Variants in RBM33 observed in about 807,000 individuals in gnomAD.
The protein encoded by RBM33 is RNA binding motif protein 33, also known as RNA-binding protein 33.
A neutral mutation model predicts 132.6 loss-of-function variants in RBM33; 28 were observed. The observed-to-expected ratio is 0.21, with a 90% confidence interval of 0.16 to 0.29. The LOEUF (loss-of-function observed/expected upper bound fraction) is 0.29. Ranked by LOEUF, RBM33 falls within the 10% of genes least tolerant of loss-of-function variation. RBM33 has a pLI of 1.00. For synonymous variants in RBM33, 634 were observed against 593.0 expected (o/e 1.07, Z -1.01); for missense variants, 1,291 against 1,518.5 (o/e 0.85, Z 2.49).
rs774009551 is a variant in RBM33, at chr7:155,741,838, T to C, written c.2069T>C (p.Val690Ala). ...GAAAAGAATACAACTTCTCAGAATGTAAGCAAGCGGCCCATGCAGCAAATG... is the reference window on the plus strand; with the variant it reads ...GAAAAGAATACAACTTCTCAGAATGCAAGCAAGCGGCCCATGCAGCAAATG... ...GLRHNTTSQN[V>A]SKRPMQQMQP... is the part of the protein sequence containing the mutation. Residue 690 changes from valine to alanine, a missense_variant, in exon 13 of 18, where the codon GTA becomes GCA. By Grantham distance (64) the Val-to-Ala change is moderately conservative. Coordinates refer to ENST00000401878, the MANE Select transcript of RBM33 (RefSeq NM_053043.3). 1.9e-6 allele frequency: 3 copies of C among 1,611,804 alleles called. No homozygotes were observed. The highest frequency in any genetic ancestry group is 2.5e-6 in the Non-Finnish European group (3 of 1,177,962).
intron 4 of RBM33, among the ~76,000 whole-genome samples, chr7:155,679,716 T>C (rs181815095): frequency 2.9e-4 from 44 of 152,370 alleles, no homozygotes; most frequent in African/African-American, 9.4e-4. Context: ...TTCCATTCTT[T>C]GACATCACTG....
intron 1 of RBM33, among the ~76,000 whole-genome samples, chr7:155,654,317 C>A (rs1798435057): frequency 6.6e-6 from 1 of 152,126 alleles, no homozygotes; most frequent in Non-Finnish European, 1.5e-5. Context: ...GTGATGCTAA[C>A]CACATTTTTT....
chr7:155,683,348 T>C (rs1799387851), intron 5 of RBM33, among the ~76,000 whole-genome samples: 1 of 152,230 alleles, frequency 6.6e-6, no homozygotes. Context: ...AATGAACACA[T>C]GAGCAGATTG....
intron 3 of RBM33, among the ~76,000 whole-genome samples, chr7:155,673,940 G>GTTGTTGTTTTTTTTTTGTTTTGT: frequency 1.8e-5 from 1 of 54,214 alleles, no homozygotes; most frequent in African/African-American, 8.3e-5. Flanking sequence ...TTTAGGCTTA[G>GTTGTTGTTTTTTTTTTGTTTTGT]TTTTTTTTTT....
chr7:155,727,781 T>G (rs1415336680), intron 9 of RBM33, among the ~76,000 whole-genome samples: 3 of 152,232 alleles, frequency 2.0e-5, no homozygotes, highest in African/African-American at 7.2e-5. Context: ...CCCGCTTTTT[T>G]TCTGAGACAG....
At chr7:155,663,313 G>A (rs1490027685) in intron 1 of RBM33, among the ~76,000 whole-genome samples, 1 of 151,884 alleles carries the variant, frequency 6.6e-6, no homozygotes, top group Non-Finnish European at 1.5e-5. Context: ...AAGAAGAGAG[G>A]CTTAATTGGC....
Position 155,678,594 on chromosome 7 carries a change from C to T in RBM33, c.172-14C>T, listed in dbSNP as rs1799249840. 1 of 1,466,072 alleles carries T rather than the reference C, an allele frequency of 6.8e-7. No homozygotes were observed. Among genetic ancestry groups the T allele is most frequent in the Non-Finnish European group, 9.3e-7 (1 of 1,070,414 alleles). The allele number at this position is 1,466,072 out of a possible 1,614,324, so 90.8% of individuals were successfully genotyped here. ...GAAGTGACACACATTAATTATATTT[C>T]TTATTTTAATTAGAATCAGTCGGAT... On this transcript the variant is annotated splice_polypyrimidine_tract_variant and intron_variant, in intron 3 of 17. Transcript: ENST00000401878.
chr7:155,733,034 G>T (rs1419125369), intron 9 of RBM33, among the ~76,000 whole-genome samples: 2 of 152,178 alleles, frequency 1.3e-5, no homozygotes, highest in African/African-American at 4.8e-5. Context: ...CAGGGAGGTG[G>T]CCAGAGAGTG....
chr7:155,726,975 A>G (rs1364724748), intron 9 of RBM33, among the ~76,000 whole-genome samples: 1 of 152,358 alleles, frequency 6.6e-6, no homozygotes, highest in South Asian at 2.1e-4. Flanking sequence ...CTTGTGTGCC[A>G]GTTTATTGGA....
At chr7:155,691,136 G>T (rs1482524031) in intron 5 of RBM33, among the ~76,000 whole-genome samples, 1 of 152,110 alleles carries the variant, frequency 6.6e-6, no homozygotes, top group Non-Finnish European at 1.5e-5. Context: ...TTTTCACATA[G>T]TCCCATATTT....
At chr7:155,678,113 A>T (rs188833033) in intron 3 of RBM33, among the ~76,000 whole-genome samples, 61 of 151,340 alleles carry the variant, frequency 4.0e-4, no homozygotes, top group African/African-American at 1.3e-3. Flanking sequence ...ATTTATTTTC[A>T]TACGTGATCT....
At chr7:155,707,355 C>T in intron 7 of RBM33, 1 of 555,528 alleles carries the variant, frequency 1.8e-6, no homozygotes, top group Non-Finnish European at 3.5e-6. Flanking sequence ...AGCTGTTGGA[C>T]CTTGCTACCT....
At chr7:155,764,541 G>C (rs572966440) in intron 15 of RBM33, among the ~76,000 whole-genome samples, 5 of 152,260 alleles carry the variant, frequency 3.3e-5, no homozygotes, top group Non-Finnish European at 4.4e-5. Flanking sequence ...CTGTGAGGCA[G>C]GAAGCAAGGG....
intron 5 of RBM33, among the ~76,000 whole-genome samples, chr7:155,687,737 C>T (rs959116802): frequency 5.9e-4 from 90 of 152,266 alleles, no homozygotes; most frequent in African/African-American, 2.0e-3. Flanking sequence ...ATAGGGGATC[C>T]TTTCCCCATT....
chr7:155,767,493 C>T (rs1802264371), intron 16 of RBM33, among the ~76,000 whole-genome samples: 1 of 152,242 alleles, frequency 6.6e-6, no homozygotes. Context: ...CCTCTAGCTT[C>T]ATGGGTGGAT....
At chr7:155,704,246 C>A (rs1334383378) in intron 6 of RBM33, among the ~76,000 whole-genome samples, 8 of 152,112 alleles carry the variant, frequency 5.3e-5, no homozygotes, top group Admixed American at 1.3e-4. Context: ...GGGCTTTCAT[C>A]TAGGTTAAGA....
chr7:155,773,484 C>G (rs1216019204), intron 16 of RBM33, among the ~76,000 whole-genome samples: 1 of 143,672 alleles, frequency 7.0e-6, no homozygotes, highest in African/African-American at 2.6e-5. Context: ...AGGAGAATCA[C>G]TTGAACCCAG....
intron 8 of RBM33, among the ~76,000 whole-genome samples, chr7:155,716,466 A>G (rs1056655159): frequency 1.3e-5 from 2 of 151,964 alleles, no homozygotes; most frequent in African/African-American, 4.8e-5. Context: ...CTCCTGGTTA[A>G]AGAGGCTTAA....
At chr7:155,717,500 T>A (rs1243981179) in intron 8 of RBM33, among the ~76,000 whole-genome samples, 1 of 112,826 alleles carries the variant, frequency 8.9e-6, no homozygotes, top group African/African-American at 3.5e-5. Context: ...GTACGGGGGG[T>A]TGGGGCTTCA....
Sources: allele counts gnomAD v4.1 joint callset (sites outside exome capture counted in the v4.1 genomes callset), GRCh38; gene constraint gnomAD v4.1.1; transcripts MANE v1.5; gene names NCBI Gene and HGNC (gene_info 2026-07-23, HGNC 2026-07-21).